Variants in PPP1R42 observed in about 807,000 individuals in gnomAD.
The protein encoded by PPP1R42 is protein phosphatase 1 regulatory subunit 42.
In PPP1R42, 34 loss-of-function variants were observed where a neutral mutation model predicts 31.0. The observed-to-expected ratio is 1.10, with a 90% CI of 0.83 to 1.46. PPP1R42 has a LOEUF of 1.46. Among genes scored for constraint, PPP1R42 ranks in the 40% most tolerant of loss-of-function variants. The pLI is 0.00. For synonymous variants in PPP1R42, 103 were observed against 109.8 expected (o/e 0.94, Z 0.39); for missense variants, 268 against 303.0 (o/e 0.88, Z 0.86).
At chr8:67,010,867 A>C in intron 4 of PPP1R42, 36 bp from the exon 5 acceptor site, 1 of 1,531,884 alleles carries the variant, frequency 6.5e-7, no homozygotes, top group Non-Finnish European at 8.9e-7. Context: ...ATTAGTAAAT[A>C]GTCTAAATAC....
At chr8:67,018,956 A>G (rs1333353753) in intron 1 of PPP1R42, among the ~76,000 whole-genome samples, 6 of 150,136 alleles carry the variant, frequency 4.0e-5, no homozygotes, top group Admixed American at 1.3e-4. Flanking sequence ...CAGCCTCCCA[A>G]GTAGCTGGGA....
chr8:66,967,185 T>C (rs1563411079), intron 7 of PPP1R42, among the ~76,000 whole-genome samples: 1 of 152,090 alleles, frequency 6.6e-6, no homozygotes, highest in Non-Finnish European at 1.5e-5. Flanking sequence ...TTGCCTAGGC[T>C]GGTTTCGAAC....
At chr8:66,979,430 G>A (rs1243382882) in intron 7 of PPP1R42, among the ~76,000 whole-genome samples, 1 of 152,198 alleles carries the variant, frequency 6.6e-6, no homozygotes, top group African/African-American at 2.4e-5. Flanking sequence ...AGCTACTTGG[G>A]AGTTCTGAGG....
chr8:67,016,109 G>A (rs1816010172), intron 2 of PPP1R42, among the ~76,000 whole-genome samples: 1 of 152,140 alleles, frequency 6.6e-6, no homozygotes, highest in South Asian at 2.1e-4. Context: ...TTAGGTTTGG[G>A]CAAAGGAATT....
At chr8:67,012,902 C>A in intron 4 of PPP1R42, 56 bp downstream of exon 4, 2 of 1,487,168 alleles carry the variant, frequency 1.3e-6, no homozygotes, top group Non-Finnish European at 1.8e-6. Context: ...ATTCCTGTTT[C>A]ATTATAACTT....
At chr8:66,989,487 A>G (rs1815128199) in intron 5 of PPP1R42, among the ~76,000 whole-genome samples, 1 of 152,198 alleles carries the variant, frequency 6.6e-6, no homozygotes, top group South Asian at 2.1e-4. Context: ...AGTATTTCTT[A>G]TAAGTGGCCA....
intron 6 of PPP1R42, among the ~76,000 whole-genome samples, chr8:66,986,809 T>C (rs1469584658): frequency 6.6e-6 from 1 of 152,158 alleles, no homozygotes; most frequent in African/African-American, 2.4e-5. Context: ...AGAAAGTAAA[T>C]ACTTTCACAG....
At chr8:67,016,146 C>T (rs1056665713) in intron 2 of PPP1R42, among the ~76,000 whole-genome samples, 1 of 152,092 alleles carries the variant, frequency 6.6e-6, no homozygotes, top group Non-Finnish European at 1.5e-5. Context: ...ACCAGGAAAC[C>T]AGAAAGGGAT....
At chr8:66,970,690 T>C in intron 7 of PPP1R42, 1 of 396,732 alleles carries the variant, frequency 2.5e-6, no homozygotes, top group Non-Finnish European at 4.9e-6. Context: ...CATTGAGACA[T>C]CTTTACCTAC....
At chr8:66,990,018 G>A (rs1815141856) in intron 5 of PPP1R42, among the ~76,000 whole-genome samples, 1 of 152,140 alleles carries the variant, frequency 6.6e-6, no homozygotes, top group Admixed American at 6.5e-5. Context: ...GAAACTTCTT[G>A]ACCTATTGAC....
At chr8:67,019,225 G>A (rs1045805542) in intron 1 of PPP1R42, among the ~76,000 whole-genome samples, 1 of 144,208 alleles carries the variant, frequency 6.9e-6, no homozygotes, top group East Asian at 2.1e-4. Context: ...ACTACGCCTG[G>A]TTTATGAGCA....
chr8:67,013,674 C>T (rs927922749), intron 3 of PPP1R42, among the ~76,000 whole-genome samples: 13 of 152,078 alleles, frequency 8.5e-5, no homozygotes, highest in Admixed American at 4.6e-4. Flanking sequence ...GAGTCATGAT[C>T]GCGCCACTGC....
intron 7 of PPP1R42, among the ~76,000 whole-genome samples, chr8:66,964,950 C>T (rs1412541618): frequency 2.0e-5 from 3 of 152,174 alleles, no homozygotes; most frequent in African/African-American, 7.2e-5. Context: ...TTTCTCCCAC[C>T]TCCAGTTTCT....
chr8:66,986,263 G>T, intron 6 of PPP1R42: 3 of 500,364 alleles, frequency 6.0e-6, no homozygotes, highest in African/African-American at 1.9e-5. Context: ...AAATTAGGGA[G>T]AAAAGATTAA....
At chr8:67,003,855 C>A (rs967487563) in intron 5 of PPP1R42, among the ~76,000 whole-genome samples, 6 of 152,176 alleles carry the variant, frequency 3.9e-5, no homozygotes, top group Non-Finnish European at 7.4e-5. Context: ...CTTTGGGAAG[C>A]CAAGGCGGGT....
At chr8:66,986,489 G>T (rs891277449) in intron 6 of PPP1R42, among the ~76,000 whole-genome samples, 7 of 151,820 alleles carry the variant, frequency 4.6e-5, no homozygotes, top group Non-Finnish European at 8.8e-5. Context: ...TATCGCCACG[G>T]CAGCTGCCAC....
At chr8:66,990,452 C>G (rs1470012928) in intron 5 of PPP1R42, among the ~76,000 whole-genome samples, 1 of 152,132 alleles carries the variant, frequency 6.6e-6, no homozygotes, top group Non-Finnish European at 1.5e-5. Flanking sequence ...TTGTTCATTG[C>G]CTTCCTGTCT....
At chr8:66,981,462 C>T (rs773124881) in intron 7 of PPP1R42, among the ~76,000 whole-genome samples, 3 of 151,602 alleles carry the variant, frequency 2.0e-5, no homozygotes, top group Admixed American at 1.3e-4. Flanking sequence ...TCACTGCAGC[C>T]TCCGCCTCCT....
chr8:66,964,497 A>G (rs1814329795), intron 7 of PPP1R42, among the ~76,000 whole-genome samples, 163 bp from the exon 8 acceptor site: 1 of 152,216 alleles, frequency 6.6e-6, no homozygotes, highest in Non-Finnish European at 1.5e-5. Flanking sequence ...GGAAGCAGAA[A>G]CAAAGATTTT....
Sources: allele counts gnomAD v4.1 joint callset (sites outside exome capture counted in the v4.1 genomes callset), GRCh38; gene constraint gnomAD v4.1.1; transcripts MANE v1.5; gene names NCBI Gene and HGNC (gene_info 2026-07-23, HGNC 2026-07-21).